Variants in ARID1B observed in about 807,000 individuals in gnomAD.
ARID1B encodes AT-rich interaction domain 1B, also known as AT-rich interactive domain-containing protein 1B.
Under a neutral mutation model 212.3 loss-of-function variants are expected in ARID1B, and 30 were observed. That is an observed-to-expected ratio of 0.14 (90% CI 0.11 to 0.19). The LOEUF is 0.19. Among genes scored for constraint, ARID1B ranks in the 10% least tolerant of loss-of-function variants. The pLI, the probability that ARID1B is intolerant of heterozygous loss-of-function variation, is 1.00. For missense variants in ARID1B, 2,891 were observed against 3,204.0 expected (o/e 0.90, Z 2.36); for synonymous variants, 1,402 against 1,301.7 (o/e 1.08, Z -1.66).
intron 4 of ARID1B, among the ~76,000 whole-genome samples, chr6:157,000,924 AC>A (rs1174131701): frequency 6.6e-6 from 1 of 151,806 alleles, no homozygotes; most frequent in Non-Finnish European, 1.5e-5. Context: ...CAAACTCCTG[AC>A]CTCAAGTGAT....
Position 156,777,464 on chromosome 6 carries a change from C to T in ARID1B, c.-217C>T, listed in dbSNP as rs923430691. ...GGAAAAGAGAAAAGTTTCATTTAAA[C>T]CTGAACTAAAAACTTTCACCATGAA... On this transcript the variant is annotated 5_prime_UTR_variant, in exon 1 of 20. Coordinates refer to ENST00000636930, the MANE Select transcript of ARID1B (RefSeq NM_001374828.1). 6.6e-6 allele frequency: 1 copy of T among 150,714 alleles called. No homozygotes were observed. Among genetic ancestry groups the T allele is most frequent in the African/African-American group, 2.4e-5 (1 of 41,320 alleles). 9.3% of individuals were successfully genotyped at this position (150,714 alleles called of 1,614,324 possible).
intron 4 of ARID1B, among the ~76,000 whole-genome samples, chr6:156,985,868 C>T (rs73578034): frequency 0.037 from 5,616 of 152,226 alleles, 335 homozygotes; most frequent in African/African-American, 0.13. Context: ...TGGCTCATCT[C>T]GGATCAGGAC....
intron 2 of ARID1B, among the ~76,000 whole-genome samples, chr6:156,841,700 G>C (rs1183378034): frequency 6.6e-6 from 1 of 152,084 alleles, no homozygotes; most frequent in Non-Finnish European, 1.5e-5. Context: ...CTCTGGGTCA[G>C]GCACTTACTT....
chr6:157,105,183 C>G (rs1253898428), intron 5 of ARID1B, among the ~76,000 whole-genome samples: 1 of 152,042 alleles, frequency 6.6e-6, no homozygotes, highest in Non-Finnish European at 1.5e-5. Context: ...CAAATAAACT[C>G]AAGGGAGATG....
chr6:156,834,534 A>G (rs576859453), intron 2 of ARID1B, among the ~76,000 whole-genome samples: 2 of 152,358 alleles, frequency 1.3e-5, no homozygotes, highest in Non-Finnish European at 2.9e-5. Context: ...TATGTATATT[A>G]ATTTATATGT....
chr6:157,108,218 G>A (rs1317752163), intron 5 of ARID1B, among the ~76,000 whole-genome samples: 2 of 152,228 alleles, frequency 1.3e-5, no homozygotes, highest in African/African-American at 4.8e-5. Context: ...GCTTTAAAGA[G>A]ACATCTGTCT....
intron 4 of ARID1B, among the ~76,000 whole-genome samples, chr6:156,968,063 T>C (rs1178944377): frequency 6.6e-6 from 1 of 152,222 alleles, no homozygotes; most frequent in East Asian, 1.9e-4. Flanking sequence ...GTCTGCAGTC[T>C]CTTTCCTGCA....
At chr6:156,818,941 T>C (rs961915957) in intron 1 of ARID1B, among the ~76,000 whole-genome samples, 30 of 151,140 alleles carry the variant, frequency 2.0e-4, no homozygotes, top group Non-Finnish European at 3.5e-4. Flanking sequence ...ATCTATCCTT[T>C]TAAAAAAAAA....
intron 4 of ARID1B, among the ~76,000 whole-genome samples, chr6:157,007,968 G>A (rs1326988752): frequency 6.6e-6 from 1 of 151,824 alleles, no homozygotes; most frequent in Non-Finnish European, 1.5e-5. Context: ...GAGCCACTGC[G>A]CCCAGCCTAG....
At chr6:157,202,158 A>G (rs2128379853) in intron 18 of ARID1B, among the ~76,000 whole-genome samples, 1 of 152,364 alleles carries the variant, frequency 6.6e-6, no homozygotes, top group Middle Eastern at 3.4e-3. Context: ...GACTTGGGCC[A>G]AGAACCATGT....
intron 13 of ARID1B, chr6:157,186,574 C>G (rs1320752548): frequency 4.3e-6 from 2 of 468,498 alleles, no homozygotes; most frequent in Non-Finnish European, 8.9e-6. Flanking sequence ...GGGAAAGTGT[C>G]TGGAAACATT....
chr6:157,007,734 T>G (rs548146001), intron 4 of ARID1B, among the ~76,000 whole-genome samples: 3 of 141,652 alleles, frequency 2.1e-5, no homozygotes, highest in Admixed American at 1.4e-4. Flanking sequence ...TTGTTTTTTT[T>G]TTTTTTTTTC....
intron 4 of ARID1B, among the ~76,000 whole-genome samples, chr6:157,015,196 C>T (rs1779849240): frequency 6.6e-6 from 1 of 152,130 alleles, no homozygotes; most frequent in Non-Finnish European, 1.5e-5. Flanking sequence ...TATAAAGAAA[C>T]ACCAGGGATA....
chr6:156,931,540 T>C (rs1211887865), intron 3 of ARID1B, among the ~76,000 whole-genome samples: 3 of 152,138 alleles, frequency 2.0e-5, no homozygotes, highest in Admixed American at 2.0e-4. Context: ...CGACATTTGT[T>C]ACAAGAGGCC....
At chr6:156,868,682 TA>T (rs543872837) in intron 2 of ARID1B, among the ~76,000 whole-genome samples, 108 of 152,348 alleles carry the variant, frequency 7.1e-4, no homozygotes, top group Non-Finnish European at 1.3e-3. Context: ...CCCCACCTTT[TA>T]ATGCCATCAC....
chr6:157,085,704 T>TAA (rs201399506), intron 5 of ARID1B, among the ~76,000 whole-genome samples: 1 of 145,584 alleles, frequency 6.9e-6, no homozygotes, highest in African/African-American at 2.5e-5. Flanking sequence ...TCTTTTATAT[T>TAA]AAAAAAAAAA....
intron 11 of ARID1B, among the ~76,000 whole-genome samples, chr6:157,177,461 T>G (rs972418305): frequency 6.6e-6 from 1 of 152,250 alleles, no homozygotes; most frequent in Non-Finnish European, 1.5e-5. Context: ...TAATAAAGCC[T>G]GTCTAACAGC....
intron 2 of ARID1B, among the ~76,000 whole-genome samples, chr6:156,838,500 G>A (rs1783661034): frequency 6.6e-6 from 1 of 152,056 alleles, no homozygotes; most frequent in South Asian, 2.1e-4. Context: ...AGCTGCCAAC[G>A]ATAGCGAGAG....
chr6:156,829,280 C>T lies in ARID1B; in HGVS notation c.1845C>T (p.Gly615=), dbSNP rs2128046126. Residue 615 remains glycine (G), a synonymous_variant, in exon 2 of 20, where the codon GGC becomes GGT. Coordinates refer to ENST00000636930, the MANE Select transcript of ARID1B (RefSeq NM_001374828.1). ...VMKRPQLYGM[G]SNPHSQPQQS... ...AGAGACCTCAGTTGTATGGCATGGGCAGTAACCCTCATTCTCAGCCTCAGC... is the reference window on the plus strand; with the variant it reads ...AGAGACCTCAGTTGTATGGCATGGGTAGTAACCCTCATTCTCAGCCTCAGC... The T allele has an allele frequency of 6.2e-7, 1 of 1,614,196 alleles. No individual in the cohort carries two copies. The highest frequency in any genetic ancestry group is 1.1e-5 in the South Asian group (1 of 91,082).
Sources: gnomAD v4.1 joint callset for allele counts (sites outside exome capture counted in the v4.1 genomes callset) on GRCh38, gnomAD v4.1.1 for gene constraint, MANE v1.5 for transcripts, NCBI Gene and HGNC (gene_info 2026-07-23, HGNC 2026-07-21) for gene names.